Variants in KCNIP4 observed in about 807,000 individuals in gnomAD.
KCNIP4 encodes potassium voltage-gated channel interacting protein 4, also known as Kv channel-interacting protein 4.
KCNIP4 carries 12 observed loss-of-function variants against 34.0 expected under a neutral mutation model. That is an observed-to-expected ratio of 0.35 (90% CI 0.23 to 0.57). KCNIP4 has a LOEUF of 0.57. Ranked by LOEUF, KCNIP4 falls within the 20% of genes least tolerant of loss-of-function variation. The probability of loss-of-function intolerance (pLI) is 0.83; values close to 1 mark genes in which losing one functional copy is unlikely to be tolerated. For synonymous variants in KCNIP4, 124 were observed against 102.2 expected (o/e 1.21, Z -1.29); for missense variants, 238 against 311.7 (o/e 0.76, Z 1.78).
intron 1 of KCNIP4, among the ~76,000 whole-genome samples, chr4:21,268,650 T>C (rs557350126): frequency 6.6e-6 from 1 of 152,278 alleles, no homozygotes; most frequent in African/African-American, 2.4e-5. Flanking sequence ...CAGAGGAACA[T>C]TTCTTTTACA....
At chr4:21,865,923 T>A (rs1308984421) in intron 1 of KCNIP4, among the ~76,000 whole-genome samples, 4 of 126,140 alleles carry the variant, frequency 3.2e-5, no homozygotes, top group African/African-American at 2.5e-5. Flanking sequence ...ATATATATGG[T>A]GTCTCATATA....
chr4:21,317,711 T>C (rs983935830), intron 1 of KCNIP4, among the ~76,000 whole-genome samples: 2 of 152,186 alleles, frequency 1.3e-5, no homozygotes, highest in African/African-American at 2.4e-5. Context: ...CCAAATCTCA[T>C]CTTGAATTCC....
chr4:20,817,490 T>G (rs2149440591), intron 3 of KCNIP4, among the ~76,000 whole-genome samples: 1 of 152,278 alleles, frequency 6.6e-6, no homozygotes, highest in South Asian at 2.1e-4. Context: ...CAGGGAATGC[T>G]TTCTGATCTT....
At chr4:21,083,642 C>A (rs1165841046) in intron 1 of KCNIP4, among the ~76,000 whole-genome samples, 1 of 151,830 alleles carries the variant, frequency 6.6e-6, no homozygotes, top group African/African-American at 2.4e-5. Flanking sequence ...TTACCAGAAG[C>A]TGGAAGGCAA....
chr4:21,351,521 T>C (rs950399435), intron 1 of KCNIP4, among the ~76,000 whole-genome samples: 1 of 152,188 alleles, frequency 6.6e-6, no homozygotes, highest in African/African-American at 2.4e-5. Flanking sequence ...TCTTTATAAA[T>C]TACCCAGTCT....
intron 1 of KCNIP4, among the ~76,000 whole-genome samples, chr4:21,788,877 A>AT (rs1309184673): frequency 6.6e-6 from 1 of 151,958 alleles, no homozygotes; most frequent in Non-Finnish European, 1.5e-5. Context: ...GATCAAGACC[A>AT]TCCTGGACAA....
At chr4:21,365,677 A>G (rs1383989932) in intron 1 of KCNIP4, among the ~76,000 whole-genome samples, 1 of 152,092 alleles carries the variant, frequency 6.6e-6, no homozygotes, top group Non-Finnish European at 1.5e-5. Flanking sequence ...CCCAATAGCT[A>G]TTTATTCTGT....
intron 1 of KCNIP4, among the ~76,000 whole-genome samples, chr4:20,900,574 C>T (rs1727058178): frequency 6.6e-6 from 1 of 150,692 alleles, no homozygotes; most frequent in African/African-American, 2.5e-5. Flanking sequence ...ATTAGTTTTC[C>T]ACTAAAGCAA....
rs955892378 is a variant in KCNIP4, at chr4:21,025,559, T to G, written c.62-142850A>C. ...ATTGATACTGTTTTTTTTTTTTTTT[T>G]TTTTTTTTTTTTGAGACGGAGTCTC... On this transcript the variant is annotated intron_variant, in intron 1 of 8. Coordinates refer to ENST00000382152, the MANE Select transcript of KCNIP4 (RefSeq NM_025221.6). 3.7e-4 allele frequency among the ~76,000 whole-genome samples: 45 copies of G among 122,852 alleles called. 1 individual carries two copies. Among genetic ancestry groups the G allele is most frequent in the African/African-American group, 1.2e-3 (37 of 30,286 alleles). The allele number at this position is 122,852 out of a possible 152,430, so 80.6% of individuals were successfully genotyped here.
At chr4:21,024,081 G>C (rs949116917) in intron 1 of KCNIP4, among the ~76,000 whole-genome samples, 1 of 152,142 alleles carries the variant, frequency 6.6e-6, no homozygotes, top group Non-Finnish European at 1.5e-5. Context: ...CCATTATCTA[G>C]AAAGTAAGTG....
chr4:20,745,648 G>A (rs528469156), intron 5 of KCNIP4, among the ~76,000 whole-genome samples: 1 of 152,238 alleles, frequency 6.6e-6, no homozygotes, highest in South Asian at 2.1e-4. Context: ...ACCGAATTCT[G>A]GTTTCCATTC....
At position 20,728,952 on chromosome 4, in the gene KCNIP4, A is replaced by G. The variant is rs1324215588; in HGVS notation, c.*1130T>C. 2 of 152,218 alleles carry G rather than the reference A, an allele frequency of 1.3e-5. No individual in the cohort carries two copies. Among genetic ancestry groups the G allele is most frequent in the East Asian group, 1.9e-4 (1 of 5,178 alleles). The allele number at this position is 152,218 out of a possible 1,614,324, so 9.4% of individuals were successfully genotyped here. On this transcript the variant is annotated 3_prime_UTR_variant, in exon 9 of 9. Transcript: ENST00000382152. ...AATAATCTGAATTATGATGAGCTAA[A>G]TCATACTGTAATCTGGATTAGTTGT... is the stretch of plus-strand genomic sequence containing the variant.
chr4:20,798,302 G>T (rs191771485), intron 3 of KCNIP4, among the ~76,000 whole-genome samples: 2 of 152,192 alleles, frequency 1.3e-5, no homozygotes, highest in African/African-American at 2.4e-5. Context: ...AATTCAGTAT[G>T]CAGTTTTGTG....
intron 1 of KCNIP4, among the ~76,000 whole-genome samples, chr4:21,039,073 C>T (rs1387788093): frequency 1.3e-5 from 2 of 152,054 alleles, no homozygotes; most frequent in African/African-American, 2.4e-5. Context: ...CAATAAGCAT[C>T]AAGAGGCTGG....
intron 1 of KCNIP4, among the ~76,000 whole-genome samples, chr4:21,128,344 G>T (rs891570271): frequency 6.6e-6 from 1 of 152,176 alleles, no homozygotes; most frequent in Admixed American, 6.5e-5. Context: ...AATCAAATGA[G>T]TACTTGCTTA....
intron 1 of KCNIP4, among the ~76,000 whole-genome samples, chr4:21,128,497 T>A (rs143071516): frequency 1.6e-3 from 248 of 152,282 alleles, no homozygotes; most frequent in African/African-American, 5.7e-3. Flanking sequence ...AGGGTAAGGA[T>A]GCTATTCCCT....
At chr4:21,648,400 G>A (rs1196303717) in intron 1 of KCNIP4, among the ~76,000 whole-genome samples, 1 of 152,158 alleles carries the variant, frequency 6.6e-6, no homozygotes, top group Non-Finnish European at 1.5e-5. Flanking sequence ...GTATGAATAT[G>A]TTATAGTTCA....
At chr4:20,741,848 G>A (rs565350980) in intron 5 of KCNIP4, among the ~76,000 whole-genome samples, 2 of 152,200 alleles carry the variant, frequency 1.3e-5, no homozygotes, top group Admixed American at 6.5e-5. Flanking sequence ...AGAAAAGAGA[G>A]AAGAATCAAA....
In KCNIP4 at chr4:21,591,977, G is replaced by A. The variant is rs115530492; in HGVS notation, c.61+356594C>T. ...TTGAAAGCCACAAATACAGTTCTAC[G>A]GTGCTGCATTGGAAGTTGTCTGTAA... On this transcript the variant is annotated intron_variant, in intron 1 of 8. Transcript: ENST00000382152. 1.7e-3 allele frequency among the ~76,000 whole-genome samples: 253 copies of A among 152,152 alleles called. 1 individual carries two copies. Among genetic ancestry groups the A allele is most frequent in the African/African-American group, 5.7e-3 (237 of 41,538 alleles).
Sources: gnomAD v4.1 joint callset for allele counts (sites outside exome capture counted in the v4.1 genomes callset) on GRCh38, gnomAD v4.1.1 for gene constraint, MANE v1.5 for transcripts, NCBI Gene and HGNC (gene_info 2026-07-23, HGNC 2026-07-21) for gene names.